Variants in NLRP13 observed in about 807,000 individuals in gnomAD.
NLRP13 encodes NLR family pyrin domain containing 13, also known as NACHT, LRR and PYD domains-containing protein 13.
NLRP13 carries 82 observed loss-of-function variants against 94.4 expected under a neutral mutation model. The observed-to-expected ratio is 0.87, with a 90% confidence interval of 0.73 to 1.04. The LOEUF (loss-of-function observed/expected upper bound fraction) is 1.04. Among genes scored for constraint, NLRP13 ranks in the 50% least tolerant of loss-of-function variants. The pLI is 0.00. For missense variants in NLRP13, 1,426 were observed against 1,230.8 expected (o/e 1.16, Z -2.37); for synonymous variants, 553 against 464.7 (o/e 1.19, Z -2.45).
intron 1 of NLRP13, among the ~76,000 whole-genome samples, chr19:55,928,755 A>G (rs539958468): frequency 6.6e-6 from 1 of 152,280 alleles, no homozygotes; most frequent in South Asian, 2.1e-4. Context: ...TAAAACACCA[A>G]AAGCATGGCA....
chr19:55,898,487 G>A (rs1214549674), intron 10 of NLRP13, among the ~76,000 whole-genome samples: 2 of 152,184 alleles, frequency 1.3e-5, no homozygotes, highest in Non-Finnish European at 2.9e-5. Context: ...TGGGATTACA[G>A]GTGTGAGCCA....
chr19:55,922,158 G>A (rs1297990556), intron 4 of NLRP13, among the ~76,000 whole-genome samples: 7 of 151,896 alleles, frequency 4.6e-5, no homozygotes, highest in African/African-American at 1.7e-4. Flanking sequence ...TGAGAACAGC[G>A]AGGGAAAGAT....
intron 9 of NLRP13, among the ~76,000 whole-genome samples, chr19:55,900,328 T>C (rs1455942472): frequency 6.6e-6 from 1 of 152,202 alleles, no homozygotes; most frequent in African/African-American, 2.4e-5. Context: ...GAAAACATAC[T>C]CAACTTCATT....
chr19:55,927,369 G>GAA (rs35906975), intron 1 of NLRP13, among the ~76,000 whole-genome samples: 4,046 of 123,876 alleles, frequency 0.033, 215 homozygotes, highest in East Asian at 0.27. Flanking sequence ...CTCCATCTAG[G>GAA]AAAAAAAAAA....
downstream of NLRP13, among the ~76,000 whole-genome samples, chr19:55,892,319 A>G (rs1985873688): frequency 6.6e-6 from 1 of 151,654 alleles, no homozygotes; most frequent in African/African-American, 2.4e-5. Flanking sequence ...CCTCCTTCCT[A>G]CTCTCCTCCT....
chr19:55,932,053 C>T lies in NLRP13; in HGVS notation c.259G>A (p.Gly87Ser), dbSNP rs184435930. ...GTCAGATTCATTGTCTGGAAGATGC[C>T]GAGGACCACTTTCCATGCCTGACCT... ...PKGQAWKVVL[G>S]IFQTMNLTSL... The change falls in exon 1 of 11, where the codon GGC (glycine) becomes AGC (serine). Residue 87 changes from glycine (G) to serine (S), a missense_variant. Physicochemically the swap from Gly to Ser is moderately conservative, Grantham distance 56. Coordinates refer to ENST00000342929, the MANE Select transcript of NLRP13 (RefSeq NM_176810.2). 1.8e-5 allele frequency: 29 copies of T among 1,614,044 alleles called. No individual in the cohort carries two copies. The Admixed American group carries it at 2.8e-4, about 16-fold the overall frequency.
At chr19:55,931,746 A>T (rs911242240) in intron 1 of NLRP13, among the ~76,000 whole-genome samples, 1 of 81,958 alleles carries the variant, frequency 1.2e-5, no homozygotes. Context: ...AAGAAAGAAA[A>T]AGGCTTATAA....
downstream of NLRP13, among the ~76,000 whole-genome samples, chr19:55,894,536 T>A (rs1040409083): frequency 6.6e-6 from 1 of 152,180 alleles, no homozygotes; most frequent in African/African-American, 2.4e-5. Flanking sequence ...CTTCCTGATA[T>A]AGGGACTCCT....
chr19:55,905,032 A>T lies in NLRP13; in HGVS notation c.2528T>A (p.Leu843Ter), dbSNP rs770960378. 6.2e-7 allele frequency: 1 copy of T among 1,613,816 alleles called. No homozygotes were observed. Among genetic ancestry groups the T allele is most frequent in the Admixed American group, 1.7e-5 (1 of 59,978 alleles). Residue 843 changes from leucine (L) to a stop codon, truncating the protein, a stop_gained, in exon 8 of 11, where the codon TTG becomes TAG. Transcript: ENST00000342929. LOFTEE classifies it high-confidence loss of function. ...TTGGAGCCGATTAAATCCCAGGCACAATCGAGTTACGTGTTGGATGCTGGT... is the reference window on the plus strand; with the variant it reads ...TTGGAGCCGATTAAATCCCAGGCACTATCGAGTTACGTGTTGGATGCTGGT... ...FLTSIQHVTR[L>*]CLGFNRLQDD...
chr19:55,894,129 C>T (rs1319199861), downstream of NLRP13, among the ~76,000 whole-genome samples: 1 of 143,160 alleles, frequency 7.0e-6, no homozygotes, highest in African/African-American at 2.6e-5. Flanking sequence ...CAGCCTCAAA[C>T]TCCTGGGTTC....
In NLRP13 at chr19:55,912,645, A is replaced by G. The variant is rs907841625; in HGVS notation, c.1172T>C (p.Leu391Pro). ...VQITGFTGDD[L>P]RVYFMRHFDD... is the part of the protein sequence containing the mutation. The stretch of plus-strand genomic sequence containing the variant: ...AAAGTGTCTCATGAAATATACCCGT[A>G]GGTCGTCCCCTGTGAACCCTGTAAT... The change falls in exon 5 of 11, where the codon CTA becomes CCA. Residue 391 changes from leucine (L) to proline (P), a missense_variant. Leu to Pro is a moderately conservative substitution (Grantham distance 98). Transcript: ENST00000342929. 35 of 1,614,090 alleles carry G rather than the reference A, an allele frequency of 2.2e-5. No individual in the cohort carries two copies. Among genetic ancestry groups the G allele is most frequent in the Non-Finnish European group, 2.8e-5 (33 of 1,180,052 alleles).
intron 2 of NLRP13, 69 bp downstream of exon 2, chr19:55,924,898 G>T: frequency 7.7e-7 from 1 of 1,296,280 alleles, no homozygotes; most frequent in Non-Finnish European, 1.1e-6. Context: ...GTAGGCAGCG[G>T]ATGTGGACCA....
chr19:55,901,999 C>A (rs373982580), intron 9 of NLRP13, 36 bp downstream of exon 9: 3 of 1,608,464 alleles, frequency 1.9e-6, no homozygotes, highest in Non-Finnish European at 1.7e-6. Context: ...TGGCTCTCCT[C>A]CATCTGCCAA....
chr19:55,896,976 A>G (rs1324502588), intron 10 of NLRP13, among the ~76,000 whole-genome samples: 1 of 152,154 alleles, frequency 6.6e-6, no homozygotes, highest in Non-Finnish European at 1.5e-5. Flanking sequence ...GGAGGAAACA[A>G]AAACTTAACC....
In NLRP13 at chr19:55,910,691, A is replaced by C; in HGVS notation, c.2154T>G (p.Ile718Met). The change falls in exon 6 of 11, where the codon ATT (isoleucine) becomes ATG (methionine). Residue 718 changes from isoleucine (I) to methionine (M), a missense_variant. Ile to Met is a conservative substitution (Grantham distance 10). Coordinates refer to ENST00000342929, the MANE Select transcript of NLRP13 (RefSeq NM_176810.2). ...FDSRMHAWNSICSTLVTNENL... is the reference protein window; with the variant it reads ...FDSRMHAWNSMCSTLVTNENL... ...TCTCATTTGTGACCAACGTAGAGCA[A>C]ATGCTGTTCCATGCGTGCATCCTGG... 1 of 1,612,632 alleles carries C rather than the reference A, an allele frequency of 6.2e-7. No homozygotes were observed. The highest frequency in any genetic ancestry group is 1.3e-5 in the African/African-American group (1 of 75,028).
rs377081070 is a variant in NLRP13 at position 55,899,080 on chromosome 19, G to T, written c.2790-143C>A. The T allele has an allele frequency of 1.6e-4, 135 of 822,504 alleles. 1 individual carries two copies. Among genetic ancestry groups the T allele is most frequent in the Non-Finnish European group, 2.3e-4 (123 of 546,320 alleles). 51.0% of individuals were successfully genotyped at this position (822,504 alleles called of 1,614,324 possible). On this transcript the variant is annotated intron_variant, in intron 9 of 10. Transcript: ENST00000342929. Reference sequence around the variant, plus strand: ...CCCAAGCCTCGAAGGAGGAGGGTGCGAGTCAGGAGGGCCGAGACACCTCCA... The same window carrying T: ...CCCAAGCCTCGAAGGAGGAGGGTGCTAGTCAGGAGGGCCGAGACACCTCCA...
chr19:55,926,576 G>A (rs61460730), intron 1 of NLRP13, among the ~76,000 whole-genome samples: 4,344 of 152,152 alleles, frequency 0.029, 205 homozygotes, highest in African/African-American at 0.095. Flanking sequence ...GGCTCCATAG[G>A]TTTACTTAGT....
intron 7 of NLRP13, 125 bp downstream of exon 7, chr19:55,907,667 T>C: frequency 1.1e-6 from 1 of 896,720 alleles, no homozygotes; most frequent in African/African-American, 1.7e-5. Context: ...AACATTCTCC[T>C]TTGCTCATCC....
At chr19:55,924,940 A>G (rs572139219) in intron 2 of NLRP13, 27 bp downstream of exon 2, 2 of 1,595,876 alleles carry the variant, frequency 1.3e-6, no homozygotes, top group Admixed American at 1.7e-5. Context: ...CAACCTGTCC[A>G]TTATCAACTT....
Sources: gnomAD v4.1 joint callset for allele counts (sites outside exome capture counted in the v4.1 genomes callset) on GRCh38, gnomAD v4.1.1 for gene constraint, MANE v1.5 for transcripts, NCBI Gene and HGNC (gene_info 2026-07-23, HGNC 2026-07-21) for gene names.